Variants in FRG2 observed in about 807,000 individuals in gnomAD.
FRG2 encodes the protein FSHD region gene 2.
Under a neutral mutation model 24.9 loss-of-function variants are expected in FRG2, and 9 were observed. The ratio of observed to expected loss-of-function variants is 0.36; its 90% CI spans 0.22 to 0.63. The LOEUF (loss-of-function observed/expected upper bound fraction) is 0.63, where lower values mean the gene tolerates loss of function less well. Among genes scored for constraint, FRG2 ranks in the 20% least tolerant of loss-of-function variants. The pLI is 0.68. For synonymous variants in FRG2, 51 were observed against 117.2 expected, an observed-to-expected ratio of 0.44 and a Z score of 3.65; for missense variants, 126 against 305.4, an observed-to-expected ratio of 0.41 and a Z score of 4.38.
rs1739581810 is a variant in FRG2 at position 190,027,237 on chromosome 4, C to G, written c.-33G>C. 59 of 1,575,734 alleles carry G rather than the reference C, an allele frequency of 3.7e-5. 3 individuals are homozygous for G. The South Asian group carries it at 6.7e-4, about 18-fold the overall frequency. ...CTCAAGTGAAAGGTGCGCTCTCTCT[C>G]ACGTCCAAAGGCAGAGTGTGGGTTA... On this transcript the variant is annotated 5_prime_UTR_variant, in exon 1 of 4. Transcript: ENST00000504750.
Position 190,025,201 on chromosome 4 carries a change from A to C in FRG2, c.*360T>G. 7.6e-6 allele frequency: 1 copy of C among 131,956 alleles called. No homozygotes were observed. Among genetic ancestry groups the C allele is most frequent in the Non-Finnish European group, 1.4e-5 (1 of 69,576 alleles). The allele number at this position is 131,956 out of a possible 1,614,324, so 8.2% of individuals were successfully genotyped here. On this transcript the variant is annotated 3_prime_UTR_variant, in exon 4 of 4. Coordinates refer to ENST00000504750, the MANE Select transcript of FRG2 (RefSeq NM_001286820.2). ...TCTCAAAAAAAAAAAAAAACAAAAAAGGAGCACATAATTTTATATTTACTT... is the reference window on the plus strand; with the variant it reads ...TCTCAAAAAAAAAAAAAAACAAAAACGGAGCACATAATTTTATATTTACTT...
In FRG2 at chr4:190,027,172, G is replaced by C; in HGVS notation, c.33C>G (p.His11Gln). 1 of 1,610,530 alleles carries C rather than the reference G, an allele frequency of 6.2e-7. No homozygotes were observed. Among genetic ancestry groups the C allele is most frequent in the Non-Finnish European group, 8.5e-7 (1 of 1,179,678 alleles). MGKGNEDSDLHCSSIQCSTDQ... is the reference protein window; with the variant it reads MGKGNEDSDLQCSSIQCSTDQ... Reference sequence around the variant, plus strand: ...CAGTGGAGCACTGGATGGAGGAGCAGTGGAGATCGGAGTCTTCATTTCCCT... The same window carrying C: ...CAGTGGAGCACTGGATGGAGGAGCACTGGAGATCGGAGTCTTCATTTCCCT... Residue 11 changes from histidine (H) to glutamine (Q), a missense_variant, in exon 1 of 4, where the codon CAC becomes CAG. By Grantham distance (24) the His-to-Gln change is conservative. Coordinates refer to ENST00000504750, the MANE Select transcript of FRG2 (RefSeq NM_001286820.2).
Position 190,026,674 on chromosome 4 carries a change from AAAG to A in FRG2, c.256+14_256+16del. On this transcript the variant is annotated intron_variant, in intron 2 of 3. Coordinates refer to ENST00000504750, the MANE Select transcript of FRG2 (RefSeq NM_001286820.2). The stretch of plus-strand genomic sequence containing the variant: ...TGCTTCCCTGTCCCTTCTCACCTTG[AAAG>A]AGTCAAATCTTACCTGATCCAGCAG... The A allele has an allele frequency of 1.9e-6, 1 of 537,788 alleles. No individual in the cohort carries two copies. The highest frequency in any genetic ancestry group is 3.2e-6 in the Non-Finnish European group (1 of 313,892). 33.3% of individuals were successfully genotyped at this position (537,788 alleles called of 1,614,324 possible). A position where few individuals can be genotyped will look rare whatever the true frequency, so the allele number is the denominator to read the frequency against.
rs1739518936 is a variant in FRG2 at position 190,025,977 on chromosome 4, A to T, written c.424T>A (p.Cys142Ser). 1.2e-6 allele frequency: 2 copies of T among 1,614,014 alleles called. No homozygotes were observed. Among genetic ancestry groups the T allele is most frequent in the Non-Finnish European group, 8.5e-7 (1 of 1,179,878 alleles). Residue 142 changes from cysteine to serine, a missense_variant, in exon 4 of 4, where the codon TGT (cysteine) becomes AGT (serine). Transcript: ENST00000504750. The part of the protein sequence containing the change: ...AVHNSEIQET[C>S]DAHHRGHSRA... ...GAATGTCCCCTATGGTGGGCATCAC[A>T]GGTCTCCTGGATTTCACTGTTGTGC...
Position 190,025,381 on chromosome 4 carries a change from G to A in FRG2, c.*180C>T. On this transcript the variant is annotated 3_prime_UTR_variant, in exon 4 of 4. Transcript: ENST00000504750. ...AGTCTTAGCGGTCTGCAAAATTCAG[G>A]GCTCTCACCATTCTGAGTATACCGC... 2 of 234,462 alleles carry A rather than the reference G, an allele frequency of 8.5e-6. 1 individual carries two copies. Among genetic ancestry groups the A allele is most frequent in the South Asian group, 8.8e-5 (2 of 22,668 alleles). 14.5% of individuals were successfully genotyped at this position (234,462 alleles called of 1,614,324 possible).
chr4:190,027,246 A>T lies in FRG2; in HGVS notation c.-42T>A, dbSNP rs1473728745. 6.5e-7 allele frequency: 1 copy of T among 1,533,788 alleles called. No homozygotes were observed. Among genetic ancestry groups the T allele is most frequent in the Admixed American group, 2.2e-5 (1 of 45,242 alleles). ...AAGGTGCGCTCTCTCTCACGTCCAA[A>T]GGCAGAGTGTGGGTTAGTCTGCTAG... is the stretch of plus-strand genomic sequence containing the variant. On this transcript the variant is annotated 5_prime_UTR_variant, in exon 1 of 4. Transcript: ENST00000504750.
At chr4:190,026,262 T>G in intron 3 of FRG2, 122 bp downstream of exon 3, 1 of 886,612 alleles carries the variant, frequency 1.1e-6, no homozygotes, top group South Asian at 1.5e-5. Flanking sequence ...AAAAATTTAC[T>G]CGTCAATAAG....
At position 190,025,889 on chromosome 4, in the gene FRG2, G is replaced by C. The variant is rs1739513134; in HGVS notation, c.512C>G (p.Ser171Ter). ...AGAAGTCACCAAGCTTTTTCGAATTGACGGTGTTTGGACTCCTAGGGCCCG... is the reference window on the plus strand; with the variant it reads ...AGAAGTCACCAAGCTTTTTCGAATTCACGGTGTTTGGACTCCTAGGGCCCG... ...RSRALGVQTP[S>*]IRKSLVTSVR... The change falls in exon 4 of 4, where the codon TCA (serine) becomes TGA (stop). Residue 171 changes from serine to a stop codon, truncating the protein, a stop_gained. Transcript: ENST00000504750. LOFTEE classifies it high-confidence loss of function. 1 of 1,613,886 alleles carries C rather than the reference G, an allele frequency of 6.2e-7. No homozygotes were observed. Among genetic ancestry groups the C allele is most frequent in the African/African-American group, 1.3e-5 (1 of 74,926 alleles).
rs1579730794 is a variant in FRG2, at chr4:190,026,058, G to A, written c.343C>T (p.Pro115Ser). Reference sequence around the variant, plus strand: ...AATGACAAGCTGCACTCCTTTTCTGGACAGTTCCCTGCAAAGAAAGCATGT... The same window carrying A: ...AATGACAAGCTGCACTCCTTTTCTGAACAGTTCCCTGCAAAGAAAGCATGT... Reference protein sequence around the residue: ...DSCQDTAGNCPEKECSLSLNK... With the variant: ...DSCQDTAGNCSEKECSLSLNK... Residue 115 changes from proline to serine, a missense_variant, in exon 4 of 4, where the codon CCA becomes TCA. Around this residue, in one of 4 missense-constraint regions of FRG2, gnomAD observed 75 missense variants for 89.1 expected, o/e 0.84. Coordinates refer to ENST00000504750, the MANE Select transcript of FRG2 (RefSeq NM_001286820.2). 2 of 1,607,832 alleles carry A rather than the reference G, an allele frequency of 1.2e-6. No individual in the cohort carries two copies. The highest frequency in any genetic ancestry group is 4.5e-5 in the East Asian group (2 of 44,748).
Position 190,026,431 on chromosome 4 carries a change from C to A in FRG2, c.287G>T (p.Cys96Phe), listed in dbSNP as rs781800911. The change falls in exon 3 of 4, where the codon TGC becomes TTC. Residue 96 changes from cysteine (C) to phenylalanine (F), a missense_variant. By Grantham distance (205) the Cys-to-Phe change is radical. Transcript: ENST00000504750. ...CTTGGAACTCATTTTTCTTTTCCTG[C>A]AGTTTTCCCGATATGAGCTGGACTC... is the stretch of plus-strand genomic sequence containing the variant. ...EPESSSYRENCRKRKMSSKDS... is the reference protein window; with the variant it reads ...EPESSSYRENFRKRKMSSKDS... 9.4e-6 allele frequency: 15 copies of A among 1,599,838 alleles called. No homozygotes were observed. The highest frequency in any genetic ancestry group is 1.7e-5 in the Admixed American group (1 of 59,168).
chr4:190,025,756 C>T lies in FRG2; in HGVS notation c.645G>A (p.Arg215=). ...TCTGCACCTGGGCACACAGAGGCCC[C>T]CGGAGCCGAGTGAGCAGTGTCAGCT... ...CEQLTLLTRL[R]GPLCAQVQTL... Residue 215 remains arginine, a synonymous_variant, in exon 4 of 4, where the codon CGG becomes CGA. Coordinates refer to ENST00000504750, the MANE Select transcript of FRG2 (RefSeq NM_001286820.2). 2 of 1,608,680 alleles carry T rather than the reference C, an allele frequency of 1.2e-6. No homozygotes were observed. The highest frequency in any genetic ancestry group is 2.2e-5 in the South Asian group (2 of 90,530).
chr4:190,026,267 A>G (rs1482204098), intron 3 of FRG2, 117 bp downstream of exon 3: 63 of 872,554 alleles, frequency 7.2e-5, no homozygotes, highest in Non-Finnish European at 7.3e-6. Context: ...TTTACTCGTC[A>G]ATAAGTAACT....
rs1739459772 is a variant in FRG2, at chr4:190,024,810, C to T, written c.*751G>A. On this transcript the variant is annotated 3_prime_UTR_variant, in exon 4 of 4. Transcript: ENST00000504750. ...TATAGACATTTTCCCACAGGGAGTGCTATTAATGGTTTGTGGATATTAGTA... is the reference window on the plus strand; with the variant it reads ...TATAGACATTTTCCCACAGGGAGTGTTATTAATGGTTTGTGGATATTAGTA... 2 of 152,120 alleles carry T rather than the reference C, an allele frequency of 1.3e-5. No individual in the cohort carries two copies. Among genetic ancestry groups the T allele is most frequent in the Non-Finnish European group, 2.9e-5 (2 of 68,016 alleles). 9.4% of individuals were successfully genotyped at this position (152,120 alleles called of 1,614,324 possible). A position where few individuals can be genotyped will look rare whatever the true frequency, so the allele number is the denominator to read the frequency against.
Position 190,026,467 on chromosome 4 carries a change from AAC to A in FRG2, c.257-8_257-7del. ...ATATGAGCTGGACTCTGGTTCTGTG[AAC>A]ACAATGAGAGTTTGAGAAAGTGCCT... On this transcript the variant is annotated splice_polypyrimidine_tract_variant and splice_region_variant and intron_variant, in intron 2 of 3. Transcript: ENST00000504750. The A allele has an allele frequency of 1.3e-6, 2 of 1,575,166 alleles. No homozygotes were observed. The highest frequency in any genetic ancestry group is 1.7e-6 in the Non-Finnish European group (2 of 1,156,922).
At position 190,027,233 on chromosome 4, in the gene FRG2, C is replaced by T; in HGVS notation, c.-29G>A. On this transcript the variant is annotated 5_prime_UTR_variant, in exon 1 of 4. Transcript: ENST00000504750. ...GAAGCTCAAGTGAAAGGTGCGCTCT[C>T]TCTCACGTCCAAAGGCAGAGTGTGG... The T allele has an allele frequency of 2.5e-6, 4 of 1,581,502 alleles. No homozygotes were observed. Among genetic ancestry groups the T allele is most frequent in the Non-Finnish European group, 3.4e-6 (4 of 1,169,308 alleles).
rs1278912391 is a variant in FRG2, at chr4:190,024,379, A to T, written c.*1182T>A. The T allele has an allele frequency of 1.3e-5, 2 of 152,050 alleles. No homozygotes were observed. The highest frequency in any genetic ancestry group is 2.9e-5 in the Non-Finnish European group (2 of 68,014). The allele number at this position is 152,050 out of a possible 1,614,324, so 9.4% of individuals were successfully genotyped here. A position where few individuals can be genotyped will look rare whatever the true frequency, so the allele number is the denominator to read the frequency against. Reference sequence around the variant, plus strand: ...TCTTTTTCACATTTTTATTAAATACAAATTCCATATGAAAGAAATTTAAAA... The same window carrying T: ...TCTTTTTCACATTTTTATTAAATACTAATTCCATATGAAAGAAATTTAAAA... On this transcript the variant is annotated 3_prime_UTR_variant, in exon 4 of 4. Coordinates refer to ENST00000504750, the MANE Select transcript of FRG2 (RefSeq NM_001286820.2).
rs1277460923 is a variant in FRG2, at chr4:190,025,947, C to A, written c.454G>T (p.Ala152Ser). The A allele has an allele frequency of 1.3e-5, 21 of 1,613,916 alleles. No individual in the cohort carries two copies. The African/African-American group carries it at 2.5e-4, about 19-fold the overall frequency. The change falls in exon 4 of 4, where the codon GCT becomes TCT. Residue 152 changes from alanine (A) to serine (S), a missense_variant. Transcript: ENST00000504750. ...TGCCGCTTGCTGTGCCCAGTGCAAGCCCTGGAATGTCCCCTATGGTGGGCA... is the reference window on the plus strand; with the variant it reads ...TGCCGCTTGCTGTGCCCAGTGCAAGACCTGGAATGTCCCCTATGGTGGGCA... ...CDAHHRGHSR[A>S]CTGHSKRHRS...
rs1336890291 is a variant in FRG2 at position 190,024,708 on chromosome 4, C to T, written c.*853G>A. On this transcript the variant is annotated 3_prime_UTR_variant, in exon 4 of 4. Transcript: ENST00000504750. The stretch of plus-strand genomic sequence containing the variant: ...TCATTTACCATTTACTATATCTTGA[C>T]TTAAATTTTATGTAGAAATATTAAA... 2 of 151,628 alleles carry T rather than the reference C, an allele frequency of 1.3e-5. No homozygotes were observed. Among genetic ancestry groups the T allele is most frequent in the East Asian group, 1.9e-4 (1 of 5,198 alleles). 9.4% of individuals were successfully genotyped at this position (151,628 alleles called of 1,614,324 possible). A position where few individuals can be genotyped will look rare whatever the true frequency, so the allele number is the denominator to read the frequency against.
rs1739574270 is a variant in FRG2 at position 190,027,075 on chromosome 4, CTTTT to C, written c.126_129del (p.Lys43AlafsTer58). On this transcript the variant is annotated frameshift_variant, in exon 1 of 4. Coordinates refer to ENST00000504750, the MANE Select transcript of FRG2 (RefSeq NM_001286820.2). LOFTEE classifies it high-confidence loss of function. ...CTGGAATGGGAGAAGGCGGTCTTGC[CTTTT>C]TCTTTGAATGGTTTCTTCTCATCTG... is the stretch of plus-strand genomic sequence containing the variant. The C allele has an allele frequency of 1.3e-6, 2 of 1,579,222 alleles. No homozygotes were observed. Among genetic ancestry groups the C allele is most frequent in the Non-Finnish European group, 1.7e-6 (2 of 1,166,792 alleles).
Sources: gnomAD v4.1 joint callset for allele counts on GRCh38, gnomAD v4.1.1 for gene constraint, gnomAD v4.1.1 regional missense constraint, MANE v1.5 for transcripts, NCBI Gene and HGNC (gene_info 2026-07-23, HGNC 2026-07-21) for gene names.